DAPK2: variants seen among roughly 807,000 people sequenced by gnomAD.
DAPK2 encodes the protein death-associated protein kinase 2.
Under a neutral mutation model 44.1 loss-of-function variants are expected in DAPK2, and 35 were observed. The observed-to-expected ratio is 0.79, with a 90% confidence interval of 0.61 to 1.05. The LOEUF is 1.05. DAPK2 is among the 50% of genes least tolerant of loss of function. The pLI is 0.00. For missense variants in DAPK2, 453 were observed against 483.2 expected, an observed-to-expected ratio of 0.94 and a Z score of 0.59; for synonymous variants, 174 against 182.6, an observed-to-expected ratio of 0.95 and a Z score of 0.38.
chr15:63,925,789 G>T, intron 7 of DAPK2, 152 bp downstream of exon 8: 1 of 911,468 alleles, frequency 1.1e-6, no homozygotes. Context: ...GCCACGTCTT[G>T]GCTAGGCCAC....
intron 1 of DAPK2, among the ~76,000 whole-genome samples, chr15:64,022,354 C>T (rs2079707615): frequency 6.6e-6 from 1 of 152,114 alleles, no homozygotes; most frequent in African/African-American, 2.4e-5. Context: ...CAAAGGTTTC[C>T]TAGACTTTTT....
chr15:64,031,853 C>T (rs1323470909), intron 1 of DAPK2, among the ~76,000 whole-genome samples: 1 of 152,136 alleles, frequency 6.6e-6, no homozygotes. Context: ...GAGAATTAAA[C>T]TCAATAATGT....
upstream of DAPK2, among the ~76,000 whole-genome samples, chr15:64,041,805 C>T (rs939177173): frequency 3.3e-5 from 5 of 152,180 alleles, no homozygotes; most frequent in African/African-American, 1.2e-4. Flanking sequence ...CCACTTTAGC[C>T]CCCTGCAAAC....
At chr15:63,976,388 T>A (rs1426552729) in intron 2 of DAPK2, among the ~76,000 whole-genome samples, 1 of 152,236 alleles carries the variant, frequency 6.6e-6, no homozygotes, top group Non-Finnish European at 1.5e-5. Context: ...TCAGTAGAAT[T>A]GCATTTCACT....
chr15:63,958,599 A>T (rs1280832383), intron 3 of DAPK2, among the ~76,000 whole-genome samples: 9 of 152,362 alleles, frequency 5.9e-5, no homozygotes, highest in African/African-American at 2.2e-4. Flanking sequence ...AGCACCATTT[A>T]TTAAAAAGGG....
intron 3 of DAPK2, among the ~76,000 whole-genome samples, chr15:63,949,676 C>A (rs752350476): frequency 6.6e-6 from 1 of 152,152 alleles, no homozygotes; most frequent in Non-Finnish European, 1.5e-5. Flanking sequence ...AGCAAGCCTG[C>A]AAGGAAGTCA....
At chr15:63,983,576 C>G in exon 2 of DAPK2, 1 of 1,614,216 alleles carries the variant, frequency 6.2e-7, no homozygotes, top group Non-Finnish European at 8.5e-7. Flanking sequence ...TCATAGACGT[C>G]GTGCAGCGTG....
At chr15:64,045,684 C>A (rs2080445750) in intron 1 of DAPK2, among the ~76,000 whole-genome samples, 1 of 152,230 alleles carries the variant, frequency 6.6e-6, no homozygotes, top group African/African-American at 2.4e-5. Context: ...CCTATGCAAG[C>A]CTTGGGACCT....
At chr15:64,028,060 A>ATCTATCTG (rs1244897998) in intron 1 of DAPK2, among the ~76,000 whole-genome samples, 1 of 152,012 alleles carries the variant, frequency 6.6e-6, no homozygotes, top group Non-Finnish European at 1.5e-5. Context: ...CTATCTATCT[A>ATCTATCTG]TCTATTTATA....
chr15:64,041,480 T>C (rs1044719955), upstream of DAPK2, among the ~76,000 whole-genome samples: 2 of 152,222 alleles, frequency 1.3e-5, no homozygotes, highest in South Asian at 4.1e-4. Flanking sequence ...GACAGCCATG[T>C]GCCACTCTGG....
At chr15:64,034,453 T>G (rs2141169859) in intron 1 of DAPK2, among the ~76,000 whole-genome samples, 1 of 152,270 alleles carries the variant, frequency 6.6e-6, no homozygotes, top group South Asian at 2.1e-4. Flanking sequence ...AAGTCTCTCA[T>G]CCCCAGGCAA....
At chr15:64,019,932 A>G (rs1021203127) in intron 1 of DAPK2, among the ~76,000 whole-genome samples, 6 of 152,114 alleles carry the variant, frequency 3.9e-5, no homozygotes, top group Admixed American at 6.5e-5. Flanking sequence ...TCTGCTTTCC[A>G]TTTTCATGCC....
rs1446686973 is a variant in DAPK2, at chr15:63,939,668, T to C, written c.454-307A>G. Among the ~76,000 whole-genome samples the C allele has an allele frequency of 6.6e-6, 1 of 152,248 alleles. No homozygotes were observed. Among genetic ancestry groups the C allele is most frequent in the Non-Finnish European group, 1.5e-5 (1 of 68,040 alleles). ...TGAGTGGCAGATCCCTTTAATGCAG[T>C]GCCTCTGTTTTCCTATCTGTCAAAT... On this transcript the variant is annotated intron_variant, in intron 3 of 10. Transcript: ENST00000261891. The surrounding 1 kb of genome is among the most constrained non-coding windows in gnomAD (Gnocchi z 4.3).
At chr15:63,957,411 G>A (rs1161437853) in intron 3 of DAPK2, among the ~76,000 whole-genome samples, 1 of 151,908 alleles carries the variant, frequency 6.6e-6, no homozygotes, top group Non-Finnish European at 1.5e-5. Context: ...CAACGCGCAG[G>A]TTTGTTACAT....
chr15:64,045,910 G>A lies in DAPK2; in HGVS notation c.-7+388C>T, dbSNP rs190350739. On this transcript the variant is annotated intron_variant, in intron 1 of 11. Transcript: ENST00000457488. ...TCGCATCACATCCTTGTGCCAGGCG[G>A]GAGCAAGAGGTGAGAGAGTCAGCCC... is the stretch of plus-strand genomic sequence containing the variant. Among the ~76,000 whole-genome samples the A allele has an allele frequency of 5.3e-5, 8 of 152,344 alleles. No homozygotes were observed. In the East Asian group the frequency reaches 1.5e-3, roughly 29 times the overall value.
rs1410425783 is a variant in DAPK2, at chr15:64,013,281, T to C, written c.92+26889A>G. 6.6e-6 allele frequency among the ~76,000 whole-genome samples: 1 copy of C among 152,248 alleles called. No homozygotes were observed. Among genetic ancestry groups the C allele is most frequent in the Non-Finnish European group, 1.5e-5 (1 of 68,040 alleles). ...ATGGGGTAACCTGCCATTATCTTTATACAAGGGTTAAGATCTTGTTCTTCA... is the reference window on the plus strand; with the variant it reads ...ATGGGGTAACCTGCCATTATCTTTACACAAGGGTTAAGATCTTGTTCTTCA... On this transcript the variant is annotated intron_variant, in intron 1 of 10. Transcript: ENST00000261891. This position sits in a 1 kb window ranked among gnomAD's most constrained non-coding sequence, Gnocchi z 4.7.
chr15:64,024,053 G>T (rs1187062796), intron 1 of DAPK2, among the ~76,000 whole-genome samples: 1 of 152,178 alleles, frequency 6.6e-6, no homozygotes, highest in African/African-American at 2.4e-5. Context: ...CAGATTTGGG[G>T]CCTAGGCTGG....
chr15:63,924,339 C>A (rs898424934), intron 8 of DAPK2, among the ~76,000 whole-genome samples: 1 of 152,128 alleles, frequency 6.6e-6, no homozygotes. Context: ...CTGTCTCAGG[C>A]CCCATTCCTC....
Position 63,912,079 on chromosome 15 carries a change from G to GT in DAPK2, c.948+28dup. The GT allele has an allele frequency of 2.0e-6, 3 of 1,537,636 alleles. No individual in the cohort carries two copies. Among genetic ancestry groups the GT allele is most frequent in the Non-Finnish European group, 2.7e-6 (3 of 1,125,758 alleles). On this transcript the variant is annotated intron_variant, in intron 9 of 10. Transcript: ENST00000261891. This position sits in a 1 kb window ranked among gnomAD's most constrained non-coding sequence, Gnocchi z 4.4. The stretch of plus-strand genomic sequence containing the variant: ...GAAACCCCGCCCTAGCCCCCACCCT[G>GT]TCCCCCGCCGCCCCAACCCTGGACA...
Sources: allele counts gnomAD v4.1 joint callset (sites outside exome capture counted in the v4.1 genomes callset), GRCh38; gene constraint gnomAD v4.1.1; non-coding constraint Gnocchi (gnomAD v3.1); transcripts MANE v1.5; gene names NCBI Gene and HGNC (gene_info 2026-07-23, HGNC 2026-07-21).